Variants in RELT observed in about 807,000 individuals in gnomAD.
The protein encoded by RELT is RELT TNF receptor.
RELT carries 37 observed loss-of-function variants against 51.1 expected under a neutral mutation model. That is an observed-to-expected ratio of 0.72 (90% confidence interval 0.56 to 0.95). The LOEUF is 0.95. Ranked by LOEUF, RELT falls within the 40% of genes least tolerant of loss-of-function variation. The pLI, the probability that RELT is intolerant of heterozygous loss-of-function variation, is 0.00. For missense variants in RELT, 535 were observed against 572.6 expected, an observed-to-expected ratio of 0.93 and a Z score of 0.67; for synonymous variants, 241 against 235.7, an observed-to-expected ratio of 1.02 and a Z score of -0.21.
intron 1 of RELT, among the ~76,000 whole-genome samples, chr11:73,378,191 C>T (rs1865999407): frequency 6.6e-6 from 1 of 152,194 alleles, no homozygotes. Flanking sequence ...TCTGAGGCCC[C>T]TTCTCCCGTA....
At chr11:73,379,748 A>G (rs1226045798) in intron 1 of RELT, among the ~76,000 whole-genome samples, 3 of 152,178 alleles carry the variant, frequency 2.0e-5, no homozygotes, top group Admixed American at 1.3e-4. Context: ...ATCCCTGCCC[A>G]GGCTCTGGTT....
Position 73,394,117 on chromosome 11 carries a change from G to T in RELT, c.707-119G>T. ...GCCTGATGAAGTGGGAGGAAAAGGC[G>T]CACAGCCCAGGCTGGGAGTGGTGGT... On this transcript the variant is annotated intron_variant, in intron 7 of 10. Coordinates refer to ENST00000064780, the MANE Select transcript of RELT (RefSeq NM_152222.2). The surrounding 1 kb of genome is among the most constrained non-coding windows in gnomAD (Gnocchi z 4.9). 9.6e-7 allele frequency: 1 copy of T among 1,045,662 alleles called. No individual in the cohort carries two copies. 64.8% of individuals were successfully genotyped at this position (1,045,662 alleles called of 1,614,324 possible). A position where few individuals can be genotyped will look rare whatever the true frequency, so the allele number is the denominator to read the frequency against.
intron 2 of RELT, among the ~76,000 whole-genome samples, chr11:73,389,997 C>G (rs1866184795): frequency 6.6e-6 from 1 of 152,132 alleles, no homozygotes; most frequent in African/African-American, 2.4e-5. Context: ...GGATGCGTCT[C>G]CCTGTTTGGG....
intron 6 of RELT, chr11:73,393,012 C>T: frequency 1.0e-6 from 1 of 1,004,822 alleles, no homozygotes; most frequent in Non-Finnish European, 1.2e-6. Context: ...TTCCCCACAC[C>T]ACTACTCCCC....
At chr11:73,378,428 T>A (rs1324909039) in intron 1 of RELT, among the ~76,000 whole-genome samples, 3 of 152,180 alleles carry the variant, frequency 2.0e-5, no homozygotes, top group African/African-American at 7.2e-5. Context: ...TTCTGAGATG[T>A]AGTGACTGTG....
rs376330063 is a variant in RELT, at chr11:73,390,722, C to T, written c.121-33C>T. 78 of 1,607,926 alleles carry T rather than the reference C, an allele frequency of 4.9e-5. 1 individual carries two copies. Among genetic ancestry groups the T allele is most frequent in the Non-Finnish European group, 6.3e-5 (74 of 1,177,006 alleles). ...CCCCCAAGGGTCCTCAGGCTTGGCT[C>T]CTGGCCATGCTCTCACCCTTTACCT... On this transcript the variant is annotated intron_variant, in intron 3 of 10. Coordinates refer to ENST00000064780, the MANE Select transcript of RELT (RefSeq NM_152222.2).
At chr11:73,389,073 C>G in intron 1 of RELT, 39 bp from the exon 2 acceptor site, 1 of 1,080,074 alleles carries the variant, frequency 9.3e-7, no homozygotes, top group African/African-American at 1.6e-5. Context: ...GCCTGCCTGT[C>G]CCTGCCGCTC....
Position 73,389,130 on chromosome 11 carries a change from C to T in RELT, c.-7C>T, listed in dbSNP as rs375601475. Reference sequence around the variant, plus strand: ...GCCCTAGGCCGGCGACCACCAGGGGCCTGAGGATGAAGCCAAGTCTGCTGT... The same window carrying T: ...GCCCTAGGCCGGCGACCACCAGGGGTCTGAGGATGAAGCCAAGTCTGCTGT... On this transcript the variant is annotated 5_prime_UTR_variant, in exon 2 of 11. Transcript: ENST00000064780. The T allele has an allele frequency of 4.1e-5, 63 of 1,548,216 alleles. No individual in the cohort carries two copies. The highest frequency in any genetic ancestry group is 2.7e-4 in the South Asian group (23 of 84,150).
At chr11:73,393,570 T>A in intron 6 of RELT, 1 of 1,428,308 alleles carries the variant, frequency 7.0e-7, no homozygotes, top group Non-Finnish European at 9.3e-7. Context: ...GCCCGCCCAA[T>A]TCAATGACTG....
At chr11:73,382,626 G>T (rs994389813) in intron 1 of RELT, among the ~76,000 whole-genome samples, 3 of 152,310 alleles carry the variant, frequency 2.0e-5, no homozygotes, top group Admixed American at 6.5e-5. Flanking sequence ...CCCTACTCCA[G>T]GGTAGGTAAA....
chr11:73,393,907 AGAG>A lies in RELT; in HGVS notation c.697_699del (p.Glu233del), dbSNP rs1866262181. On this transcript the variant is annotated inframe_deletion, in exon 7 of 11. Coordinates refer to ENST00000064780, the MANE Select transcript of RELT (RefSeq NM_152222.2). ...TTGGGGTCCTGGTGCGCTTGATCAC[AGAG>A]AAGAAAGGTGAGGAGAAGGTCTGAC... 1.2e-6 allele frequency: 2 copies of A among 1,613,792 alleles called. No homozygotes were observed. Among genetic ancestry groups the A allele is most frequent in the South Asian group, 2.2e-5 (2 of 91,084 alleles).
chr11:73,376,721 C>T (rs995571555), intron 1 of RELT: 1 of 151,910 alleles, frequency 6.6e-6, no homozygotes, highest in African/African-American at 2.4e-5. Flanking sequence ...CTCCGAGCCC[C>T]GTGACCTGCA....
intron 2 of RELT, among the ~76,000 whole-genome samples, chr11:73,389,998 CCT>C (rs1866184872): frequency 1.3e-5 from 2 of 152,126 alleles, no homozygotes; most frequent in Admixed American, 1.3e-4. Context: ...GATGCGTCTC[CCT>C]GTTTGGGTGT....
chr11:73,382,073 C>T (rs1013752616), intron 1 of RELT, among the ~76,000 whole-genome samples: 25 of 152,198 alleles, frequency 1.6e-4, no homozygotes, highest in Non-Finnish European at 4.4e-5. Flanking sequence ...CCAAGGCCAT[C>T]GATCTGCGAA....
At chr11:73,393,679 G>T (rs79365754) in intron 6 of RELT, 158 bp from the exon 7 acceptor site, 30,172 of 1,588,466 alleles carry the variant, frequency 0.019, 362 homozygotes, top group South Asian at 0.024. Flanking sequence ...TCTGAGCCTG[G>T]ATCCCACATT....
chr11:73,394,971 G>C lies in RELT; in HGVS notation c.1047-116G>C. The C allele has an allele frequency of 9.9e-7, 1 of 1,014,734 alleles. No individual in the cohort carries two copies. Among genetic ancestry groups the C allele is most frequent in the Non-Finnish European group, 1.5e-6 (1 of 679,566 alleles). The allele number at this position is 1,014,734 out of a possible 1,614,324, so 62.9% of individuals were successfully genotyped here. A position where few individuals can be genotyped will look rare whatever the true frequency, so the allele number is the denominator to read the frequency against. ...GCATCTTGGCCCCCATGGCACCCGGGCCTCTCAGGCTAAGGCTCTGGTCCA... is the reference window on the plus strand; with the variant it reads ...GCATCTTGGCCCCCATGGCACCCGGCCCTCTCAGGCTAAGGCTCTGGTCCA... On this transcript the variant is annotated intron_variant, in intron 9 of 10. Coordinates refer to ENST00000064780, the MANE Select transcript of RELT (RefSeq NM_152222.2). This position sits in a 1 kb window ranked among gnomAD's most constrained non-coding sequence, Gnocchi z 4.9.
rs892870205 is a variant in RELT at position 73,395,679 on chromosome 11, T to C, written c.*188T>C. On this transcript the variant is annotated 3_prime_UTR_variant, in exon 11 of 11. Coordinates refer to ENST00000064780, the MANE Select transcript of RELT (RefSeq NM_152222.2). The stretch of plus-strand genomic sequence containing the variant: ...GAGGAGGCAGGTGGCCGGCGGGCAC[T>C]GTGTACAGGAGCAGGCTGAGCCCCG... 10 of 625,620 alleles carry C rather than the reference T, an allele frequency of 1.6e-5. No homozygotes were observed. Among genetic ancestry groups the C allele is most frequent in the Middle Eastern group, 4.2e-4 (1 of 2,376 alleles). The allele number at this position is 625,620 out of a possible 1,614,324, so 38.8% of individuals were successfully genotyped here.
chr11:73,378,928 C>T (rs1038796926), intron 1 of RELT, among the ~76,000 whole-genome samples: 2 of 152,196 alleles, frequency 1.3e-5, no homozygotes, highest in Non-Finnish European at 2.9e-5. Context: ...GAGGCCCCCT[C>T]CCCTTTGCAG....
At chr11:73,378,925 C>G (rs1026473385) in intron 1 of RELT, among the ~76,000 whole-genome samples, 1 of 152,196 alleles carries the variant, frequency 6.6e-6, no homozygotes, top group African/African-American at 2.4e-5. Flanking sequence ...TGAGAGGCCC[C>G]CTCCCCTTTG....
Sources: gnomAD v4.1 joint callset for allele counts (sites outside exome capture counted in the v4.1 genomes callset) on GRCh38, gnomAD v4.1.1 for gene constraint, Gnocchi (gnomAD v3.1) non-coding constraint, MANE v1.5 for transcripts, NCBI Gene and HGNC (gene_info 2026-07-23, HGNC 2026-07-21) for gene names.